Variants in HECTD2 observed in about 807,000 individuals in gnomAD.
The protein encoded by HECTD2 is probable E3 ubiquitin-protein ligase HECTD2.
Under a neutral mutation model 103.2 loss-of-function variants are expected in HECTD2, and 35 were observed. The ratio of observed to expected loss-of-function variants is 0.34; its 90% confidence interval spans 0.26 to 0.45. HECTD2 has a LOEUF of 0.45. Among genes scored for constraint, HECTD2 ranks in the 20% least tolerant of loss-of-function variants. The pLI, the probability that HECTD2 is intolerant of heterozygous loss-of-function variation, is 1.00. For missense variants in HECTD2, 596 were observed against 937.4 expected (o/e 0.64, Z 4.76); for synonymous variants, 281 against 329.9 (o/e 0.85, Z 1.61).
At chr10:91,468,396 CA>C (rs368460589) in intron 5 of HECTD2, among the ~76,000 whole-genome samples, 1 of 151,504 alleles carries the variant, frequency 6.6e-6, no homozygotes. Flanking sequence ...AGATAAAAGC[CA>C]AAAAAAATAA....
intron 2 of HECTD2, among the ~76,000 whole-genome samples, chr10:91,435,123 G>T (rs578118302): frequency 6.6e-6 from 1 of 151,890 alleles, no homozygotes; most frequent in South Asian, 2.1e-4. Context: ...TAAAACCCAA[G>T]AACTCAGCAA....
At chr10:91,416,883 G>A (rs1463161139) in intron 1 of HECTD2, among the ~76,000 whole-genome samples, 2 of 151,330 alleles carry the variant, frequency 1.3e-5, no homozygotes, top group African/African-American at 4.9e-5. Flanking sequence ...AGAATTAAGG[G>A]ATGTCATGCA....
intron 5 of HECTD2, among the ~76,000 whole-genome samples, chr10:91,470,289 ACTTT>A (rs1465599655): frequency 1.4e-4 from 21 of 152,352 alleles, no homozygotes; most frequent in African/African-American, 4.8e-4. Context: ...CATGACACAT[ACTTT>A]AAGATCGACC....
At chr10:91,439,131 T>G (rs747063198) in intron 2 of HECTD2, among the ~76,000 whole-genome samples, 7 of 152,226 alleles carry the variant, frequency 4.6e-5, no homozygotes, top group Non-Finnish European at 1.0e-4. Context: ...TTTTGATGTT[T>G]TAGTCATCAA....
intron 20 of HECTD2, among the ~76,000 whole-genome samples, chr10:91,511,525 G>A (rs1847418859): frequency 6.6e-6 from 1 of 152,120 alleles, no homozygotes; most frequent in Non-Finnish European, 1.5e-5. Flanking sequence ...GATCGGTTTT[G>A]TGGAAGACAG....
At chr10:91,411,929 T>A (rs551855678) in intron 1 of HECTD2, among the ~76,000 whole-genome samples, 1 of 152,192 alleles carries the variant, frequency 6.6e-6, no homozygotes, top group African/African-American at 2.4e-5. Flanking sequence ...AAACAGTAAA[T>A]GTATGTACTT....
chr10:91,496,875 T>C (rs1405078957), intron 15 of HECTD2, among the ~76,000 whole-genome samples: 1 of 151,870 alleles, frequency 6.6e-6, no homozygotes, highest in African/African-American at 2.4e-5. Context: ...AAAATTAAAT[T>C]GAAAATTTTG....
chr10:91,492,537 T>A, intron 13 of HECTD2, 53 bp downstream of exon 13: 1 of 1,333,396 alleles, frequency 7.5e-7, no homozygotes, highest in Non-Finnish European at 1.1e-6. Flanking sequence ...ATTGTTAGAG[T>A]GAAGTAGTCA....
Position 91,512,577 on chromosome 10 carries a change from G to A in HECTD2, c.*193G>A. 1.7e-5 allele frequency: 9 copies of A among 532,744 alleles called. No homozygotes were observed. The highest frequency in any genetic ancestry group is 5.1e-4 in the Middle Eastern group (1 of 1,954). The allele number at this position is 532,744 out of a possible 1,614,324, so 33.0% of individuals were successfully genotyped here. A position where few individuals can be genotyped will look rare whatever the true frequency, so the allele number is the denominator to read the frequency against. On this transcript the variant is annotated 3_prime_UTR_variant, in exon 21 of 21. Coordinates refer to ENST00000298068, the MANE Select transcript of HECTD2 (RefSeq NM_182765.6). ...TTTTCTAAAAACACACACAGAAATC[G>A]CTTGAGTGAGGAAAAGTCCACATGG...
chr10:91,490,485 A>G (rs1846424397), intron 11 of HECTD2, among the ~76,000 whole-genome samples: 1 of 152,226 alleles, frequency 6.6e-6, no homozygotes, highest in Non-Finnish European at 1.5e-5. Flanking sequence ...CTTTAAAGAA[A>G]ATTCAATATC....
intron 5 of HECTD2, among the ~76,000 whole-genome samples, chr10:91,472,376 C>A (rs1330753148): frequency 6.6e-6 from 1 of 152,096 alleles, no homozygotes. Flanking sequence ...TAGGAAATAT[C>A]ATTCTGGACA....
chr10:91,415,712 G>T (rs1843100123), intron 1 of HECTD2, among the ~76,000 whole-genome samples: 1 of 152,148 alleles, frequency 6.6e-6, no homozygotes, highest in South Asian at 2.1e-4. Context: ...CAAAGAAGCT[G>T]CACCTATGGC....
chr10:91,510,631 T>G (rs551280092), intron 20 of HECTD2, among the ~76,000 whole-genome samples: 1 of 152,210 alleles, frequency 6.6e-6, no homozygotes, highest in Non-Finnish European at 1.5e-5. Flanking sequence ...TGTTATTGAA[T>G]GGATGCATGA....
upstream of HECTD2, among the ~76,000 whole-genome samples, chr10:91,409,940 C>G (rs1351102965): frequency 6.6e-6 from 1 of 152,198 alleles, no homozygotes; most frequent in Admixed American, 6.5e-5. Flanking sequence ...TCCTGCCCTA[C>G]TGGTACCACT....
chr10:91,483,729 A>T (rs981563809), intron 8 of HECTD2, among the ~76,000 whole-genome samples: 1 of 151,998 alleles, frequency 6.6e-6, no homozygotes, highest in Non-Finnish European at 1.5e-5. Flanking sequence ...GGGGAAATAC[A>T]GGGTTAGGTT....
chr10:91,477,129 C>T (rs867480556), intron 5 of HECTD2, among the ~76,000 whole-genome samples: 37 of 149,998 alleles, frequency 2.5e-4, no homozygotes, highest in African/African-American at 8.6e-4. Context: ...TGCAGTGAGC[C>T]GAGATTGCGC....
At chr10:91,493,360 C>A in intron 13 of HECTD2, 60 bp from the exon 14 acceptor site, 2 of 826,364 alleles carry the variant, frequency 2.4e-6, no homozygotes, top group East Asian at 2.8e-5. Flanking sequence ...TACATGTTTA[C>A]CACTTTGATT....
intron 2 of HECTD2, among the ~76,000 whole-genome samples, chr10:91,437,850 G>A (rs995309078): frequency 2.6e-5 from 4 of 151,640 alleles, no homozygotes; most frequent in African/African-American, 9.7e-5. Context: ...TTTCCATTTT[G>A]TTCTTGAATA....
chr10:91,418,010 C>T (rs1031912686), intron 1 of HECTD2, among the ~76,000 whole-genome samples: 6 of 152,148 alleles, frequency 3.9e-5, no homozygotes, highest in African/African-American at 1.4e-4. Flanking sequence ...TATTTCTCCA[C>T]ATCCTCTCCA....
Sources: gnomAD v4.1 joint callset for allele counts (sites outside exome capture counted in the v4.1 genomes callset) on GRCh38, gnomAD v4.1.1 for gene constraint, MANE v1.5 for transcripts, NCBI Gene and HGNC (gene_info 2026-07-23, HGNC 2026-07-21) for gene names.